Variants in TP63 observed in about 807,000 individuals in gnomAD.
The protein encoded by TP63 is tumor protein 63.
In TP63, 17 loss-of-function variants were observed where a neutral mutation model predicts 82.8. The ratio of observed to expected loss-of-function variants is 0.21; its 90% CI spans 0.14 to 0.31. The LOEUF is 0.31. Among genes scored for constraint, TP63 ranks in the 10% least tolerant of loss-of-function variants. The pLI is 1.00. For missense variants in TP63, 648 were observed against 895.3 expected, an observed-to-expected ratio of 0.72 and a Z score of 3.52; for synonymous variants, 330 against 321.7, an observed-to-expected ratio of 1.03 and a Z score of -0.28.
rs1721525378 is a variant in TP63, at chr3:189,897,000, T to TA, written c.*2502dup. On this transcript the variant is annotated 3_prime_UTR_variant, in exon 14 of 14. Coordinates refer to ENST00000264731, the MANE Select transcript of TP63 (RefSeq NM_003722.5). ...CCTTTTTTTTTTCTTGGTAATCCCCTAAAATAACAGTATGTGGGATATTGA... is the reference window on the plus strand; with the variant it reads ...CCTTTTTTTTTTCTTGGTAATCCCCTAAAAATAACAGTATGTGGGATATTGA... 1 of 225,778 alleles carries TA rather than the reference T, an allele frequency of 4.4e-6. No individual in the cohort carries two copies. Among genetic ancestry groups the TA allele is most frequent in the Non-Finnish European group, 8.8e-6 (1 of 113,174 alleles). 14.0% of individuals were successfully genotyped at this position (225,778 alleles called of 1,614,324 possible).
intron 1 of TP63, among the ~76,000 whole-genome samples, chr3:189,704,100 G>T (rs944169655): frequency 7.2e-5 from 11 of 152,220 alleles, no homozygotes; most frequent in Non-Finnish European, 1.5e-4. Context: ...TTACTAACCA[G>T]ATACTACCTA....
intron 3 of TP63, among the ~76,000 whole-genome samples, chr3:189,776,589 A>G (rs1409061965): frequency 6.6e-6 from 1 of 152,206 alleles, no homozygotes; most frequent in Non-Finnish European, 1.5e-5. Flanking sequence ...GCTGGGTTAG[A>G]GTCCTCCAAA....
At chr3:189,665,679 A>G (rs1190036623) in intron 1 of TP63, among the ~76,000 whole-genome samples, 3 of 152,082 alleles carry the variant, frequency 2.0e-5, no homozygotes, top group Admixed American at 6.6e-5. Flanking sequence ...TGTGAAAAAT[A>G]TATTCTTTAA....
chr3:189,884,282 A>G (rs912840499), intron 10 of TP63, among the ~76,000 whole-genome samples: 4 of 152,200 alleles, frequency 2.6e-5, no homozygotes, highest in African/African-American at 4.8e-5. Context: ...CCCCACAGGG[A>G]CGGAGTGGAT....
the TP63 span, among the ~76,000 whole-genome samples, chr3:189,597,796 C>G: frequency 3.3e-5 from 5 of 152,094 alleles, no homozygotes; most frequent in South Asian, 1.0e-3. Context: ...GATGGGGTGG[C>G]TCACACTTGT....
chr3:189,597,538 T>C, the TP63 span, among the ~76,000 whole-genome samples: 1 of 152,178 alleles, frequency 6.6e-6, no homozygotes, highest in Non-Finnish European at 1.5e-5. Flanking sequence ...GTGGTAAAAA[T>C]AGAATCAAAT....
chr3:189,816,635 C>T (rs1728214375), intron 4 of TP63, among the ~76,000 whole-genome samples: 1 of 152,136 alleles, frequency 6.6e-6, no homozygotes, highest in Non-Finnish European at 1.5e-5. Flanking sequence ...AGCTTTCCAA[C>T]AACTTCCAAT....
intron 1 of TP63, among the ~76,000 whole-genome samples, chr3:189,675,639 C>T (rs1245226142): frequency 5.9e-5 from 9 of 152,080 alleles, no homozygotes; most frequent in Non-Finnish European, 1.3e-4. Flanking sequence ...TGCTTTGATG[C>T]CTGAATCAAT....
intron 3 of TP63, among the ~76,000 whole-genome samples, chr3:189,772,714 C>G (rs979299532): frequency 6.6e-6 from 1 of 152,136 alleles, no homozygotes; most frequent in Non-Finnish European, 1.5e-5. Flanking sequence ...CCTTGATAAT[C>G]TTGTCTAACA....
intron 1 of TP63, among the ~76,000 whole-genome samples, chr3:189,682,516 C>A (rs1716006921): frequency 7.5e-6 from 1 of 133,160 alleles, no homozygotes; most frequent in Non-Finnish European, 1.5e-5. Flanking sequence ...AGTTTCATTC[C>A]TGGGACTTGG....
intron 3 of TP63, among the ~76,000 whole-genome samples, chr3:189,786,920 A>C (rs140047748): frequency 6.6e-6 from 1 of 152,188 alleles, no homozygotes; most frequent in East Asian, 1.9e-4. Flanking sequence ...ACATATAAGC[A>C]TTGTTGTTGA....
At chr3:189,861,251 A>T (rs1042361783) in intron 4 of TP63, among the ~76,000 whole-genome samples, 6 of 152,142 alleles carry the variant, frequency 3.9e-5, no homozygotes, top group Non-Finnish European at 7.3e-5. Context: ...GACACATGAT[A>T]CTTGATTTTC....
intron 4 of TP63, among the ~76,000 whole-genome samples, chr3:189,851,623 A>G (rs547885517): frequency 6.6e-6 from 1 of 152,226 alleles, no homozygotes; most frequent in Non-Finnish European, 1.5e-5. Flanking sequence ...TTGGAGCAGA[A>G]AGAAGTGGAC....
At chr3:189,748,012 A>C (rs59536222) in intron 3 of TP63, among the ~76,000 whole-genome samples, 4,248 of 152,182 alleles carry the variant, frequency 0.028, 76 homozygotes, top group Admixed American at 0.052. Context: ...TAAGGAATAA[A>C]TAGAAGACCT....
In TP63 at chr3:189,682,545, AAAAAAAAAATATATATATATATAT is replaced by A. The variant is rs1400344778; in HGVS notation, c.62+50970_62+50993del. Among the ~76,000 whole-genome samples, 133 of 71,240 alleles carry A rather than the reference AAAAAAAAAATATATATATATATAT, an allele frequency of 1.9e-3. 2 individuals carry two copies. The highest frequency in any genetic ancestry group is 7.8e-3 in the African/African-American group (127 of 16,336). The allele number at this position is 71,240 out of a possible 152,430, so 46.7% of individuals were successfully genotyped here. A position where few individuals can be genotyped will look rare whatever the true frequency, so the allele number is the denominator to read the frequency against. ...GACTTGGTCCTAAGGGGAAAAAAAA[AAAAAAAAAATATATATATATATAT>A]ATATATATATATATATATATATATA... On this transcript the variant is annotated intron_variant, in intron 1 of 13. Transcript: ENST00000264731.
chr3:189,735,718 A>C (rs1330799032), intron 1 of TP63, among the ~76,000 whole-genome samples: 1 of 152,206 alleles, frequency 6.6e-6, no homozygotes, highest in African/African-American at 2.4e-5. Context: ...AAATTCTTCC[A>C]TCACACAACT....
intron 1 of TP63, among the ~76,000 whole-genome samples, chr3:189,660,750 T>G (rs901628407): frequency 1.3e-5 from 2 of 152,036 alleles, no homozygotes; most frequent in Admixed American, 1.3e-4. Context: ...TCAACCGTGT[T>G]TTGTAGTTCT....
At chr3:189,610,770 C>T in the TP63 span, among the ~76,000 whole-genome samples, 1 of 152,308 alleles carries the variant, frequency 6.6e-6, no homozygotes, top group East Asian at 1.9e-4. Flanking sequence ...AATCCATTTT[C>T]ATGCTGCTGA....
At chr3:189,757,793 T>G (rs781396535) in intron 3 of TP63, among the ~76,000 whole-genome samples, 14 of 152,134 alleles carry the variant, frequency 9.2e-5, no homozygotes, top group Non-Finnish European at 1.6e-4. Context: ...CAGGCAGTTG[T>G]TACACTATTT....
Sources: gnomAD v4.1 joint callset for allele counts (sites outside exome capture counted in the v4.1 genomes callset) on GRCh38, gnomAD v4.1.1 for gene constraint, MANE v1.5 for transcripts, NCBI Gene and HGNC (gene_info 2026-07-23, HGNC 2026-07-21) for gene names.